The following ADARB1 variants were observed in gnomAD, a reference collection of about 807,000 sequenced individuals.
ADARB1 encodes double-stranded RNA-specific editase 1.
ADARB1 carries 10 observed loss-of-function variants against 52.4 expected under a neutral mutation model. The ratio of observed to expected loss-of-function variants is 0.19; its 90% CI spans 0.12 to 0.32. The LOEUF (loss-of-function observed/expected upper bound fraction) is 0.32. Among genes scored for constraint, ADARB1 ranks in the 10% least tolerant of loss-of-function variants. The pLI is 1.00. For synonymous variants in ADARB1, 349 were observed against 371.1 expected (o/e 0.94, Z 0.68); for missense variants, 643 against 922.3 (o/e 0.70, Z 3.92).
chr21:45,102,571 A>G (rs796708277), intron 1 of ADARB1, among the ~76,000 whole-genome samples: 13 of 152,348 alleles, frequency 8.5e-5, no homozygotes, highest in African/African-American at 3.1e-4. Flanking sequence ...CGAGAAACAA[A>G]CATAACCACA....
At position 45,225,421 on chromosome 21, in the gene ADARB1, C is replaced by G; in HGVS notation, c.*3224C>G. 1 of 1,299,614 alleles carries G rather than the reference C, an allele frequency of 7.7e-7. No homozygotes were observed. The allele number at this position is 1,299,614 out of a possible 1,614,324, so 80.5% of individuals were successfully genotyped here. A position where few individuals can be genotyped will look rare whatever the true frequency, so the allele number is the denominator to read the frequency against. ...AAGCAATTATTTTAAAATGTGCAAG[C>G]CAGTATCTCACAAGGCATGGATTTC... is the stretch of plus-strand genomic sequence containing the variant. On this transcript the variant is annotated 3_prime_UTR_variant, in exon 11 of 11. Coordinates refer to ENST00000348831, the MANE Select transcript of ADARB1 (RefSeq NM_001112.4).
intron 9 of ADARB1, among the ~76,000 whole-genome samples, chr21:45,213,280 T>A (rs2092804143): frequency 6.6e-6 from 1 of 152,226 alleles, no homozygotes; most frequent in African/African-American, 2.4e-5. Flanking sequence ...ATAGCTTTAA[T>A]TTTCTAAGGT....
intron 1 of ADARB1, among the ~76,000 whole-genome samples, chr21:45,114,510 G>A (rs1016126344): frequency 6.6e-6 from 1 of 152,184 alleles, no homozygotes; most frequent in African/African-American, 2.4e-5. Flanking sequence ...GAGTCTCGAG[G>A]CTTAGGCTGA....
chr21:45,086,320 G>A (rs1179456453), intron 1 of ADARB1, among the ~76,000 whole-genome samples: 2 of 152,190 alleles, frequency 1.3e-5, no homozygotes, highest in Non-Finnish European at 2.9e-5. Flanking sequence ...CATAGGAAAG[G>A]CATTTTGAGG....
At chr21:45,087,168 C>G (rs1018626801) in intron 1 of ADARB1, among the ~76,000 whole-genome samples, 1 of 152,182 alleles carries the variant, frequency 6.6e-6, no homozygotes, top group African/African-American at 2.4e-5. Context: ...GCCTACAACA[C>G]CACAGAAACA....
At chr21:45,149,869 A>T (rs929990666) in intron 2 of ADARB1, among the ~76,000 whole-genome samples, 2 of 152,234 alleles carry the variant, frequency 1.3e-5, no homozygotes, top group Non-Finnish European at 2.9e-5. Context: ...TACAGTTTTT[A>T]AAGAGTTGTT....
intron 2 of ADARB1, among the ~76,000 whole-genome samples, chr21:45,151,343 A>G (rs56262411): frequency 5.7e-4 from 87 of 152,356 alleles, no homozygotes; most frequent in African/African-American, 2.0e-3. Flanking sequence ...ATATGGCATA[A>G]TTTCCTTAGG....
intron 8 of ADARB1, among the ~76,000 whole-genome samples, chr21:45,194,437 AC>A (rs11330464): frequency 8.3e-4 from 92 of 110,426 alleles, no homozygotes; most frequent in African/African-American, 2.3e-3. Context: ...CTGCCTGTTC[AC>A]CCCCTCTCAC....
chr21:45,150,750 G>A lies in ADARB1; in HGVS notation c.-47-20860G>A, dbSNP rs117956785. ...GCCTGGCGGTCGGGCCTGATGTCTC[G>A]TTGTTCCACCTGTGACCAAGGGGTC... is the stretch of plus-strand genomic sequence containing the variant. On this transcript the variant is annotated intron_variant, in intron 2 of 10. Coordinates refer to ENST00000348831, the MANE Select transcript of ADARB1 (RefSeq NM_001112.4). Among the ~76,000 whole-genome samples the A allele has an allele frequency of 3.2e-4, 49 of 152,258 alleles. 2 individuals are homozygous for A. In the East Asian group the frequency reaches 8.7e-3, roughly 27 times the overall value.
intron 9 of ADARB1, among the ~76,000 whole-genome samples, chr21:45,209,608 T>C (rs1362414517): frequency 1.3e-5 from 2 of 152,210 alleles, no homozygotes; most frequent in African/African-American, 4.8e-5. Context: ...ATGGTCACCC[T>C]TTGTCACAGA....
At chr21:45,117,652 A>G (rs1409770757) in intron 1 of ADARB1, among the ~76,000 whole-genome samples, 1 of 152,242 alleles carries the variant, frequency 6.6e-6, no homozygotes, top group Admixed American at 6.5e-5. Context: ...TGTTACAAGA[A>G]CATATTATTC....
In ADARB1 at chr21:45,175,870, G is replaced by C. The variant is rs576621164; in HGVS notation, c.169G>C (p.Glu57Gln). The C allele has an allele frequency of 3.1e-6, 5 of 1,613,772 alleles. No individual in the cohort carries two copies. The highest frequency in any genetic ancestry group is 4.2e-6 in the Non-Finnish European group (5 of 1,179,870). The change falls in exon 4 of 11, where the codon GAG (glutamate) becomes CAG (glutamine). Residue 57 changes from glutamate (E) to glutamine (Q), a missense_variant. Glu to Gln is a conservative substitution (Grantham distance 29, BLOSUM62 2). This residue lies in a region of ADARB1 where 380 missense variants were observed against 446.5 expected (regional missense o/e 0.85). Transcript: ENST00000348831. ...CCCCGGCAGAAAGCGGCCCCTGGAG[G>C]AGGGCAGCAATGGCCACTCCAAGTA... ...GGPGRKRPLE[E>Q]GSNGHSKYRL...
intron 9 of ADARB1, among the ~76,000 whole-genome samples, chr21:45,214,910 C>G (rs911374112): frequency 4.6e-5 from 7 of 152,186 alleles, no homozygotes; most frequent in Admixed American, 6.5e-5. Flanking sequence ...GTTCTACATC[C>G]TTATTGCACT....
intron 9 of ADARB1, among the ~76,000 whole-genome samples, chr21:45,206,956 G>T (rs1242862988): frequency 6.6e-6 from 1 of 152,238 alleles, no homozygotes; most frequent in Non-Finnish European, 1.5e-5. Context: ...GTGCCGAGCT[G>T]ATTCAGCAGC....
chr21:45,176,309 G>C lies in ADARB1; in HGVS notation c.608G>C (p.Ser203Thr). The part of the protein sequence containing the change: ...GSNGDDSFSS[S>T]GDLSLSASPV... ...AATGGGGATGACTCCTTCAGTTCCA[G>C]CGGGGACCTCAGCTTGTCTGCTTCC... is the stretch of plus-strand genomic sequence containing the variant. The change falls in exon 4 of 11, where the codon AGC becomes ACC. Residue 203 changes from serine to threonine, a missense_variant. Physicochemically the swap from Ser to Thr is moderately conservative, Grantham distance 58. Around this residue, in one of 2 missense-constraint regions of ADARB1, gnomAD observed 380 missense variants for 446.5 expected, o/e 0.85. Transcript: ENST00000348831. The surrounding 1 kb of genome is among the most constrained non-coding windows in gnomAD (Gnocchi z 5.8). The C allele has an allele frequency of 6.2e-7, 1 of 1,614,166 alleles. No individual in the cohort carries two copies. Among genetic ancestry groups the C allele is most frequent in the Non-Finnish European group, 8.5e-7 (1 of 1,179,992 alleles).
At chr21:45,181,104 T>G (rs140315194) in intron 5 of ADARB1, among the ~76,000 whole-genome samples, 1 of 152,198 alleles carries the variant, frequency 6.6e-6, no homozygotes, top group Non-Finnish European at 1.5e-5. Context: ...GGGCCGTCTC[T>G]GTACCCAGCA....
At chr21:45,092,165 T>C (rs2086584970) in intron 1 of ADARB1, among the ~76,000 whole-genome samples, 1 of 152,122 alleles carries the variant, frequency 6.6e-6, no homozygotes, top group Non-Finnish European at 1.5e-5. Context: ...TATGGGTCAC[T>C]TCGCTCCTGG....
intron 1 of ADARB1, among the ~76,000 whole-genome samples, chr21:45,086,298 G>A (rs2086340580): frequency 1.3e-5 from 2 of 152,204 alleles, no homozygotes; most frequent in Admixed American, 6.5e-5. Flanking sequence ...AAAATACGGG[G>A]AGAAAATAAA....
chr21:45,220,978 C>G lies in ADARB1; in HGVS notation c.1890C>G (p.His630Gln). The change falls in exon 10 of 11, where the codon CAC becomes CAG. Residue 630 changes from histidine to glutamine, a missense_variant. This residue lies in a region of ADARB1 where 263 missense variants were observed against 475.8 expected (regional missense o/e 0.55). Coordinates refer to ENST00000348831, the MANE Select transcript of ADARB1 (RefSeq NM_001112.4). This position sits in a 1 kb window ranked among gnomAD's most constrained non-coding sequence, Gnocchi z 6.3. ...ELGRASRLCKHALYCRWMRVH... is the reference protein window; with the variant it reads ...ELGRASRLCKQALYCRWMRVH... ...GCCGCGCGTCCCGCCTGTGTAAGCA[C>G]GCGTTGTACTGTCGCTGGATGCGTG... 1 of 1,613,096 alleles carries G rather than the reference C, an allele frequency of 6.2e-7. No individual in the cohort carries two copies. The highest frequency in any genetic ancestry group is 8.5e-7 in the Non-Finnish European group (1 of 1,180,002).
Sources: gnomAD v4.1 joint callset for allele counts (sites outside exome capture counted in the v4.1 genomes callset) on GRCh38, gnomAD v4.1.1 for gene constraint, gnomAD v4.1.1 regional missense constraint, Gnocchi (gnomAD v3.1) non-coding constraint, MANE v1.5 for transcripts, NCBI Gene and HGNC (gene_info 2026-07-23, HGNC 2026-07-21) for gene names.